Variants in CNTLN observed in about 807,000 individuals in gnomAD.
CNTLN encodes the protein centlein, also known as centlein, centrosomal protein.
CNTLN carries 212 observed loss-of-function variants against 180.0 expected under a neutral mutation model. That is an observed-to-expected ratio of 1.18 (90% CI 1.05 to 1.32). The LOEUF is 1.32. Among genes scored for constraint, CNTLN ranks in the 40% most tolerant of loss-of-function variants. CNTLN has a pLI of 0.00. For missense variants in CNTLN, 2,095 were observed against 1,610.9 expected (o/e 1.30, Z -5.14); for synonymous variants, 722 against 563.1 (o/e 1.28, Z -3.99).
intron 2 of CNTLN, chr9:17,168,095 C>G (rs1820200784): frequency 6.6e-6 from 1 of 152,130 alleles, no homozygotes; most frequent in Non-Finnish European, 1.5e-5. Flanking sequence ...ATAGTTTTTG[C>G]TATTCAAATA....
rs1481990721 is a variant in CNTLN, at chr9:17,301,764, T to A, written c.1146+3412T>A. On this transcript the variant is annotated intron_variant, in intron 7 of 25. Coordinates refer to ENST00000380647, the MANE Select transcript of CNTLN (RefSeq NM_017738.4). ...GTCTACAGTTAGTAGACATTACAAT[T>A]GTTTTGGTGGCTGTATGTAGTTATT... The A allele has an allele frequency of 5.2e-6, 5 of 970,478 alleles. No individual in the cohort carries two copies. In the African/African-American group the frequency reaches 8.8e-5, roughly 17 times the overall value. The allele number at this position is 970,478 out of a possible 1,614,324, so 60.1% of individuals were successfully genotyped here.
At chr9:17,140,077 A>G (rs78835144) in intron 1 of CNTLN, among the ~76,000 whole-genome samples, 7,317 of 152,262 alleles carry the variant, frequency 0.048, 226 homozygotes, top group East Asian at 0.17. Context: ...TGAGTGATTG[A>G]TAATAGTTTC....
At chr9:17,525,507 G>A in the CNTLN span, among the ~76,000 whole-genome samples, 1 of 152,132 alleles carries the variant, frequency 6.6e-6, no homozygotes, top group Non-Finnish European at 1.5e-5. Flanking sequence ...ATTTTGATTT[G>A]TTCAAGACCA....
intron 18 of CNTLN, among the ~76,000 whole-genome samples, chr9:17,435,148 C>G (rs1829687343): frequency 6.6e-6 from 1 of 152,148 alleles, no homozygotes; most frequent in African/African-American, 2.4e-5. Context: ...TTACTCTTGG[C>G]TTATTTCTGC....
In CNTLN at chr9:17,235,731, T is replaced by G. The variant is rs1388959290; in HGVS notation, c.608T>G (p.Phe203Cys). Residue 203 changes from phenylalanine to cysteine, a missense_variant, in exon 4 of 26, where the codon TTC becomes TGC. Transcript: ENST00000380647. ...ATTGCAGTAGATGAAGAAAATGCTT[T>G]CTTAAGGAAAGAATTCAGTGACTTG... ...RKIAVDEENA[F>C]LRKEFSDLEK... 1.9e-6 allele frequency: 3 copies of G among 1,608,182 alleles called. No individual in the cohort carries two copies. In the Admixed American group the frequency reaches 5.1e-5, roughly 27 times the overall value.
intron 6 of CNTLN, among the ~76,000 whole-genome samples, chr9:17,296,715 C>T (rs1352490227): frequency 6.6e-6 from 1 of 152,044 alleles, no homozygotes; most frequent in African/African-American, 2.4e-5. Flanking sequence ...TATTGGTTCT[C>T]TTCTCTCCCC....
At position 17,335,254 on chromosome 9, in the gene CNTLN, C is replaced by G. The variant is rs113402647; in HGVS notation, c.1644+2524C>G. Among the ~76,000 whole-genome samples, 448 of 152,318 alleles carry G rather than the reference C, an allele frequency of 2.9e-3. 4 individuals carry two copies. The highest frequency in any genetic ancestry group is 0.01 in the African/African-American group (424 of 41,580). The stretch of plus-strand genomic sequence containing the variant: ...AAATTATTGGCTGGGCGCGGTGGCT[C>G]ACGCCTGTAATCCCAGCACTTTGGG... On this transcript the variant is annotated intron_variant, in intron 10 of 25. Transcript: ENST00000380647.
intron 25 of CNTLN, among the ~76,000 whole-genome samples, chr9:17,497,517 C>G (rs948892780): frequency 1.3e-5 from 2 of 152,056 alleles, no homozygotes; most frequent in African/African-American, 2.4e-5. Context: ...TAGAATAGAT[C>G]ACCCATTTGC....
At chr9:17,282,674 G>T (rs1828737288) in intron 6 of CNTLN, among the ~76,000 whole-genome samples, 1 of 152,136 alleles carries the variant, frequency 6.6e-6, no homozygotes, top group African/African-American at 2.4e-5. Flanking sequence ...CCTATATCCT[G>T]AATGGTTTCA....
At chr9:17,370,469 T>C (rs989758460) in intron 13 of CNTLN, among the ~76,000 whole-genome samples, 1 of 152,148 alleles carries the variant, frequency 6.6e-6, no homozygotes, top group Non-Finnish European at 1.5e-5. Context: ...CCTGCAAAAA[T>C]ATCCTTCAAA....
chr9:17,369,819 T>G (rs1462831427), intron 13 of CNTLN, among the ~76,000 whole-genome samples: 1 of 151,610 alleles, frequency 6.6e-6, no homozygotes, highest in Non-Finnish European at 1.5e-5. Flanking sequence ...GAACCCTGTC[T>G]CTACTAAAAA....
At chr9:17,302,293 C>G (rs1818425989) in intron 7 of CNTLN, among the ~76,000 whole-genome samples, 1 of 151,778 alleles carries the variant, frequency 6.6e-6, no homozygotes, top group African/African-American at 2.4e-5. Context: ...GCCTCCCAGG[C>G]TTCAAGCAAT....
At chr9:17,401,502 A>T (rs1826973329) in intron 15 of CNTLN, among the ~76,000 whole-genome samples, 1 of 151,658 alleles carries the variant, frequency 6.6e-6, no homozygotes, top group Non-Finnish European at 1.5e-5. Context: ...TCTCCTTAGG[A>T]GCTGAGACTA....
intron 5 of CNTLN, among the ~76,000 whole-genome samples, chr9:17,247,195 A>G (rs966981364): frequency 1.3e-5 from 2 of 152,022 alleles, no homozygotes; most frequent in Admixed American, 6.6e-5. Context: ...GCACACCACC[A>G]AGACTGCCTG....
intron 5 of CNTLN, among the ~76,000 whole-genome samples, chr9:17,270,647 T>C (rs374544433): frequency 1.1e-3 from 165 of 152,300 alleles, no homozygotes; most frequent in African/African-American, 3.7e-3. Flanking sequence ...GTGTAATGTT[T>C]CTCACAAGAT....
At chr9:17,379,069 G>A (rs2133569486) in intron 13 of CNTLN, among the ~76,000 whole-genome samples, 1 of 151,024 alleles carries the variant, frequency 6.6e-6, no homozygotes, top group East Asian at 1.9e-4. Flanking sequence ...TTTTTCTTTA[G>A]CAGTTAATTA....
At chr9:17,466,179 T>G (rs1831736709) in intron 22 of CNTLN, 61 bp downstream of exon 22, 1 of 1,458,100 alleles carries the variant, frequency 6.9e-7, no homozygotes, top group African/African-American at 1.4e-5. Flanking sequence ...TTGTTTCATT[T>G]TTAACATTGT....
rs1825838895 is a variant in CNTLN at position 17,388,244 on chromosome 9, A to G, written c.2070A>G (p.Thr690=). 2.5e-6 allele frequency: 4 copies of G among 1,607,214 alleles called. No individual in the cohort carries two copies. The highest frequency in any genetic ancestry group is 2.7e-5 in the African/African-American group (2 of 74,820). ...EKNGKEMLEQ[T]LQKVTELENR... ...ATGGAAAAGAAATGTTGGAGCAGAC[A>G]TTACAGAAGGTAGTCTAATCTTTAA... Residue 690 remains threonine (T), a synonymous_variant, in exon 14 of 26, where the codon ACA becomes ACG. Transcript: ENST00000380647.
At chr9:17,290,874 T>C (rs201208233) in intron 6 of CNTLN, among the ~76,000 whole-genome samples, 2 of 152,234 alleles carry the variant, frequency 1.3e-5, no homozygotes, top group African/African-American at 2.4e-5. Context: ...GGCTCGCGCA[T>C]GGTGCGTGCA....
Sources: allele counts gnomAD v4.1 joint callset (sites outside exome capture counted in the v4.1 genomes callset), GRCh38; gene constraint gnomAD v4.1.1; transcripts MANE v1.5; gene names NCBI Gene and HGNC (gene_info 2026-07-23, HGNC 2026-07-21).